SUGP1: variants seen among roughly 807,000 people sequenced by gnomAD.
SUGP1 encodes SURP and G-patch domain containing 1.
A neutral mutation model predicts 76.5 loss-of-function variants in SUGP1; 34 were observed. That is an observed-to-expected ratio of 0.44 (90% CI 0.34 to 0.59). The LOEUF is 0.59. Among genes scored for constraint, SUGP1 ranks in the 20% least tolerant of loss-of-function variants. The pLI, the probability that SUGP1 is intolerant of heterozygous loss-of-function variation, is 0.01. For missense variants in SUGP1, 752 were observed against 851.7 expected, an observed-to-expected ratio of 0.88 and a Z score of 1.46; for synonymous variants, 326 against 326.2, an observed-to-expected ratio of 1.00 and a Z score of 0.01.
intron 3 of SUGP1, among the ~76,000 whole-genome samples, chr19:19,309,712 C>T (rs931909292): frequency 7.2e-5 from 11 of 152,136 alleles, no homozygotes; most frequent in African/African-American, 2.7e-4. Context: ...AGATCGAGAC[C>T]ATCCTGGATA....
rs905905668 is a variant in SUGP1, at chr19:19,303,785, C to T, written c.601G>A (p.Glu201Lys). ...ACTTTTTCTAACTCGGGGCCTCCTT[C>T]TGCCACAAAGCGGGCCAATTTCTCT... ...VIEKLARFVA[E>K]GGPELEKVAM... The change falls in exon 5 of 14, where the codon GAA becomes AAA. Residue 201 changes from glutamate to lysine, a missense_variant. Glu to Lys is a moderately conservative substitution (Grantham distance 56). Coordinates refer to ENST00000247001, the MANE Select transcript of SUGP1 (RefSeq NM_172231.4). 2.5e-6 allele frequency: 4 copies of T among 1,614,112 alleles called. No homozygotes were observed. In the African/African-American group the frequency reaches 4.0e-5, roughly 16 times the overall value.
At chr19:19,279,174 T>TGCCCAGCCCAGCCCG (rs2061077153) in intron 10 of SUGP1, 39 bp downstream of exon 10, 3 of 1,528,680 alleles carry the variant, frequency 2.0e-6, no homozygotes, top group Non-Finnish European at 2.6e-6. Context: ...AGGGGGGCCA[T>TGCCCAGCCCAGCCCG]GCCCAGCCCA....
chr19:19,281,414 C>T (rs1279238279), intron 8 of SUGP1: 1 of 152,242 alleles, frequency 6.6e-6, no homozygotes, highest in African/African-American at 2.4e-5. Context: ...AGGTACCCTC[C>T]ACCCTGGCTG....
chr19:19,318,775 C>G (rs973531241), intron 1 of SUGP1, among the ~76,000 whole-genome samples: 1 of 151,496 alleles, frequency 6.6e-6, no homozygotes, highest in Non-Finnish European at 1.5e-5. Context: ...ACTAGGTAAT[C>G]ATTCTGGCCA....
Position 19,296,973 on chromosome 19 carries a change from G to T in SUGP1, c.1243+16C>A. The T allele has an allele frequency of 1.3e-6, 2 of 1,549,372 alleles. No homozygotes were observed. The highest frequency in any genetic ancestry group is 2.4e-5 in the South Asian group (2 of 84,186). On this transcript the variant is annotated intron_variant, in intron 8 of 13. Coordinates refer to ENST00000247001, the MANE Select transcript of SUGP1 (RefSeq NM_172231.4). ...CAGACCCTTCCAACACAGGGAGGGGGAGAGGGTCTGCCCACCTGACAGAGG... is the reference window on the plus strand; with the variant it reads ...CAGACCCTTCCAACACAGGGAGGGGTAGAGGGTCTGCCCACCTGACAGAGG...
intron 4 of SUGP1, among the ~76,000 whole-genome samples, chr19:19,304,287 T>C (rs2061298107): frequency 1.3e-5 from 2 of 152,150 alleles, no homozygotes; most frequent in Admixed American, 1.3e-4. Flanking sequence ...GCAACTAGTG[T>C]CATCATAGAA....
intron 8 of SUGP1, among the ~76,000 whole-genome samples, chr19:19,288,054 T>TC (rs1439858065): frequency 1.3e-5 from 2 of 152,090 alleles, no homozygotes; most frequent in Non-Finnish European, 2.9e-5. Context: ...CTTCCTCCCT[T>TC]CTTTTTTTTT....
At chr19:19,294,975 G>A (rs1008011625) in intron 8 of SUGP1, among the ~76,000 whole-genome samples, 6 of 152,090 alleles carry the variant, frequency 3.9e-5, no homozygotes, top group African/African-American at 4.8e-5. Flanking sequence ...AAGAGAACTC[G>A]TACAACTCAA....
intron 3 of SUGP1, among the ~76,000 whole-genome samples, chr19:19,307,064 G>A (rs1250648193): frequency 6.6e-6 from 1 of 151,248 alleles, no homozygotes; most frequent in Non-Finnish European, 1.5e-5. Context: ...TTTTTTTAGT[G>A]ACAGGGTCTT....
chr19:19,287,780 C>T (rs994864154), intron 8 of SUGP1, among the ~76,000 whole-genome samples: 1 of 152,046 alleles, frequency 6.6e-6, no homozygotes, highest in African/African-American at 2.4e-5. Context: ...GACATGGACC[C>T]GAGACATGGG....
chr19:19,297,303 C>A lies in SUGP1; in HGVS notation c.929G>T (p.Arg310Leu), dbSNP rs552434494. ...TTTCCGGAACTCCTCCAGCTTCTGT[C>A]GGTAGTACTTGTACCCTTGGCTATT... Reference protein sequence around the residue: ...EPNSQGYKYYRQKLEEFRKAK... With the variant: ...EPNSQGYKYYLQKLEEFRKAK... The change falls in exon 8 of 14, where the codon CGA becomes CTA. Residue 310 changes from arginine to leucine, a missense_variant. Physicochemically the swap from Arg to Leu is moderately radical, Grantham distance 102. This residue lies in a region of SUGP1 where 620 missense variants were observed against 617.3 expected (regional missense o/e 1.00). Coordinates refer to ENST00000247001, the MANE Select transcript of SUGP1 (RefSeq NM_172231.4). The A allele has an allele frequency of 4.5e-6, 7 of 1,540,292 alleles. 1 individual carries two copies. The South Asian group carries it at 8.7e-5, about 19-fold the overall frequency.
intron 1 of SUGP1, among the ~76,000 whole-genome samples, chr19:19,319,238 G>T (rs2061418812): frequency 6.6e-6 from 1 of 151,668 alleles, no homozygotes; most frequent in African/African-American, 2.4e-5. Flanking sequence ...AAGAAAAAAA[G>T]AATTCTAAAA....
chr19:19,296,902 T>C, intron 8 of SUGP1, 87 bp downstream of exon 8: 9 of 1,151,714 alleles, frequency 7.8e-6, no homozygotes, highest in Non-Finnish European at 1.1e-5. Context: ...TGATACAAGC[T>C]ACACTGTGGA....
intron 13 of SUGP1, 130 bp downstream of exon 13, chr19:19,276,817 G>A: frequency 6.5e-7 from 1 of 1,537,688 alleles, no homozygotes. Flanking sequence ...GGGCTTGAAT[G>A]CAGGTGGGTG....
intron 2 of SUGP1, among the ~76,000 whole-genome samples, chr19:19,315,438 T>A (rs2082004165): frequency 6.6e-6 from 1 of 151,962 alleles, no homozygotes; most frequent in South Asian, 2.1e-4. Flanking sequence ...ATTATCAATC[T>A]CCAGCCTGAA....
At chr19:19,310,646 CTCTA>C (rs926097281) in intron 2 of SUGP1, among the ~76,000 whole-genome samples, 7 of 152,046 alleles carry the variant, frequency 4.6e-5, no homozygotes, top group South Asian at 4.1e-4. Context: ...CTCTCTCCCT[CTCTA>C]TCTATCTATC....
At position 19,278,742 on chromosome 19, in the gene SUGP1, A is replaced by T; in HGVS notation, c.1583T>A (p.Phe528Tyr). 6.2e-7 allele frequency: 1 copy of T among 1,614,052 alleles called. No individual in the cohort carries two copies. Among genetic ancestry groups the T allele is most frequent in the Non-Finnish European group, 8.5e-7 (1 of 1,179,980 alleles). Residue 528 changes from phenylalanine (F) to tyrosine (Y), a missense_variant, in exon 11 of 14, where the codon TTC (phenylalanine) becomes TAC (tyrosine). Phe to Tyr is a conservative substitution (Grantham distance 22). This residue lies in a region of SUGP1 where 132 missense variants were observed against 234.4 expected (regional missense o/e 0.56). Coordinates refer to ENST00000247001, the MANE Select transcript of SUGP1 (RefSeq NM_172231.4). The part of the protein sequence containing the change: ...MGRGKHFIGD[F>Y]LPPDELEKFM... ...CTTTTCCAGCTCGTCTGGAGGCAGG[A>T]AGTCTCCGATGAAGTGCTTGCCCCG...
intron 7 of SUGP1, among the ~76,000 whole-genome samples, chr19:19,300,828 G>C (rs942051591): frequency 2.0e-5 from 3 of 152,144 alleles, no homozygotes; most frequent in African/African-American, 7.2e-5. Context: ...AGAACAGAAA[G>C]GACACACAGG....
Position 19,276,663 on chromosome 19 carries a change from T to G in SUGP1, c.1923A>C (p.Arg641Ser). Reference sequence around the variant, plus strand: ...TCCAGAACACTCAGTAGTAAGGCCGTCTGGGATTGTTCTGTGGAAGGCAAA... The same window carrying G: ...TCCAGAACACTCAGTAGTAAGGCCGGCTGGGATTGTTCTGTGGAAGGCAAA... The part of the protein sequence containing the change: ...RFRPNPLNNP[R>S]RPYY The change falls in exon 14 of 14, where the codon AGA (arginine) becomes AGC (serine). Residue 641 changes from arginine to serine, a missense_variant. Around this residue, in one of 2 missense-constraint regions of SUGP1, gnomAD observed 132 missense variants for 234.4 expected, o/e 0.56. Coordinates refer to ENST00000247001, the MANE Select transcript of SUGP1 (RefSeq NM_172231.4). 6.2e-7 allele frequency: 1 copy of G among 1,614,064 alleles called. No homozygotes were observed. The highest frequency in any genetic ancestry group is 8.5e-7 in the Non-Finnish European group (1 of 1,180,026).
Sources: allele counts gnomAD v4.1 joint callset (sites outside exome capture counted in the v4.1 genomes callset), GRCh38; gene constraint gnomAD v4.1.1; regional missense constraint gnomAD v4.1.1; transcripts MANE v1.5; gene names NCBI Gene and HGNC (gene_info 2026-07-23, HGNC 2026-07-21).